Variants in SCAI observed in about 807,000 individuals in gnomAD.
The protein encoded by SCAI is suppressor of cancer cell invasion, also known as protein SCAI.
A neutral mutation model predicts 92.2 loss-of-function variants in SCAI; 24 were observed. The observed-to-expected ratio is 0.26, with a 90% CI of 0.19 to 0.37. The LOEUF (loss-of-function observed/expected upper bound fraction) is 0.37. Among genes scored for constraint, SCAI ranks in the 10% least tolerant of loss-of-function variants. SCAI has a pLI of 1.00. For missense variants in SCAI, 450 were observed against 736.2 expected (o/e 0.61, Z 4.50); for synonymous variants, 261 against 258.6 (o/e 1.01, Z -0.09).
chr9:125,020,628 T>C, intron 7 of SCAI, 45 bp downstream of exon 7: 2 of 831,560 alleles, frequency 2.4e-6, no homozygotes, highest in South Asian at 1.6e-5. Flanking sequence ...AGATCATCCA[T>C]ATACAACTAG....
chr9:124,967,886 C>T (rs1831571399), intron 17 of SCAI, among the ~76,000 whole-genome samples: 1 of 152,192 alleles, frequency 6.6e-6, no homozygotes, highest in Admixed American at 6.6e-5. Context: ...CATTTTGAGA[C>T]AGAACAGTGA....
chr9:125,132,524 C>T (rs1159331983), intron 2 of SCAI, among the ~76,000 whole-genome samples: 1 of 152,114 alleles, frequency 6.6e-6, no homozygotes, highest in East Asian at 1.9e-4. Context: ...ATACCTGAAG[C>T]CGTTATCTTG....
intron 2 of SCAI, among the ~76,000 whole-genome samples, chr9:125,139,089 A>G (rs1233144888): frequency 6.6e-6 from 1 of 152,142 alleles, no homozygotes; most frequent in Non-Finnish European, 1.5e-5. Flanking sequence ...AGGAGAAAGT[A>G]CTCCAGAAAG....
At chr9:125,006,048 G>GA (rs1832499950) in intron 9 of SCAI, among the ~76,000 whole-genome samples, 1 of 152,136 alleles carries the variant, frequency 6.6e-6, no homozygotes, top group South Asian at 2.1e-4. Flanking sequence ...AGTTTTGAGG[G>GA]AAAAAGCAAT....
At chr9:125,079,706 T>C (rs575154141) in intron 2 of SCAI, among the ~76,000 whole-genome samples, 50 of 152,174 alleles carry the variant, frequency 3.3e-4, no homozygotes, top group Middle Eastern at 3.4e-3. Context: ...AGATGGTGCT[T>C]AAGAAATCCC....
intron 3 of SCAI, among the ~76,000 whole-genome samples, chr9:125,037,937 T>C (rs1833235223): frequency 6.6e-6 from 1 of 151,684 alleles, no homozygotes; most frequent in Admixed American, 6.6e-5. Context: ...AAAGAATTAC[T>C]TGTGCCCATT....
chr9:125,013,770 A>G (rs1266693042), intron 9 of SCAI, among the ~76,000 whole-genome samples: 7 of 152,220 alleles, frequency 4.6e-5, no homozygotes, highest in Non-Finnish European at 8.8e-5. Context: ...CATCAATGCA[A>G]AAATCCTCAA....
intron 2 of SCAI, among the ~76,000 whole-genome samples, chr9:125,065,595 A>G (rs1237288879): frequency 6.6e-6 from 1 of 152,252 alleles, no homozygotes; most frequent in Non-Finnish European, 1.5e-5. Flanking sequence ...TATGATGCCA[A>G]CATAATTTTG....
At chr9:125,033,597 A>G (rs1440946088) in intron 3 of SCAI, among the ~76,000 whole-genome samples, 1 of 152,194 alleles carries the variant, frequency 6.6e-6, no homozygotes, top group Non-Finnish European at 1.5e-5. Context: ...AGTAAAGATA[A>G]TAACTGCTAA....
At chr9:125,096,599 C>T (rs1422550924) in intron 2 of SCAI, among the ~76,000 whole-genome samples, 1 of 152,194 alleles carries the variant, frequency 6.6e-6, no homozygotes, top group Non-Finnish European at 1.5e-5. Context: ...ATACCAGCCT[C>T]CTCTTCCTGT....
chr9:125,141,726 ACTGT>A (rs1323191484), intron 2 of SCAI, among the ~76,000 whole-genome samples: 1 of 152,178 alleles, frequency 6.6e-6, no homozygotes, highest in African/African-American at 2.4e-5. Flanking sequence ...CTGGAGTCAG[ACTGT>A]CTGGATTCAA....
chr9:125,000,705 T>C (rs1273000630), intron 12 of SCAI, among the ~76,000 whole-genome samples: 1 of 152,056 alleles, frequency 6.6e-6, no homozygotes, highest in Non-Finnish European at 1.5e-5. Context: ...CCACTAACTG[T>C]AAAACTTAGA....
At chr9:125,113,075 G>A (rs1368358270) in intron 2 of SCAI, among the ~76,000 whole-genome samples, 1 of 152,194 alleles carries the variant, frequency 6.6e-6, no homozygotes, top group East Asian at 1.9e-4. Context: ...TCAAGGAAGT[G>A]GAACACAACC....
chr9:125,001,755 T>G (rs1832366130), intron 12 of SCAI, among the ~76,000 whole-genome samples: 1 of 152,242 alleles, frequency 6.6e-6, no homozygotes. Context: ...ATGAATTTTC[T>G]GATGATTTAT....
chr9:125,038,367 T>G (rs1833245738), intron 3 of SCAI, among the ~76,000 whole-genome samples: 1 of 152,242 alleles, frequency 6.6e-6, no homozygotes, highest in Non-Finnish European at 1.5e-5. Flanking sequence ...ATGTTTTTCT[T>G]GAGATAAACT....
intron 17 of SCAI, 42 bp from the exon 18 acceptor site, chr9:124,952,995 TGAAA>T: frequency 6.4e-7 from 1 of 1,557,378 alleles, no homozygotes; most frequent in Middle Eastern, 1.7e-4. Flanking sequence ...TGTAGTCTAA[TGAAA>T]GAAAATTATA....
At chr9:125,073,212 C>G (rs1337170043) in intron 2 of SCAI, among the ~76,000 whole-genome samples, 3 of 140,948 alleles carry the variant, frequency 2.1e-5, no homozygotes, top group African/African-American at 7.8e-5. Context: ...TCACGCCATT[C>G]TCCTGCCTCA....
At chr9:125,143,235 T>A in intron 1 of SCAI, 150 bp downstream of exon 1, 4 of 440,456 alleles carry the variant, frequency 9.1e-6, no homozygotes, top group South Asian at 9.7e-5. Context: ...CGCCGCCGCC[T>A]GCAGGCGCCC....
chr9:125,035,397 T>C (rs954966409), intron 3 of SCAI, among the ~76,000 whole-genome samples: 1 of 151,466 alleles, frequency 6.6e-6, no homozygotes, highest in Non-Finnish European at 1.5e-5. Flanking sequence ...AAAGAAAACA[T>C]AGAAAAGATG....
Sources: gnomAD v4.1 joint callset for allele counts (sites outside exome capture counted in the v4.1 genomes callset) on GRCh38, gnomAD v4.1.1 for gene constraint, MANE v1.5 for transcripts, NCBI Gene and HGNC (gene_info 2026-07-23, HGNC 2026-07-21) for gene names.